Variants in CCDC169 observed in about 807,000 individuals in gnomAD.
CCDC169 encodes coiled-coil domain containing 169, also known as coiled-coil domain-containing protein 169.
In CCDC169, 30 loss-of-function variants were observed where a neutral mutation model predicts 36.0. That is an observed-to-expected ratio of 0.83 (90% confidence interval 0.62 to 1.13). The LOEUF (loss-of-function observed/expected upper bound fraction) is 1.13, where lower values mean the gene tolerates loss of function less well. CCDC169 is among the 50% of genes most tolerant of loss of function. The pLI is 0.00. For synonymous variants in CCDC169, 85 were observed against 81.5 expected (o/e 1.04, Z -0.23); for missense variants, 245 against 245.9 (o/e 1.00, Z 0.03).
intron 2 of CCDC169, among the ~76,000 whole-genome samples, chr13:36,284,075 TATATTTCATATATG>T (rs950309583): frequency 3.9e-5 from 6 of 151,974 alleles, no homozygotes; most frequent in Non-Finnish European, 7.4e-5. Context: ...ATAATATCCA[TATATTTCATATATG>T]ATATTTCATA....
At chr13:36,289,021 C>A (rs1038673316) in intron 2 of CCDC169, among the ~76,000 whole-genome samples, 1 of 151,974 alleles carries the variant, frequency 6.6e-6, no homozygotes, top group African/African-American at 2.4e-5. Context: ...ATTACAAAAG[C>A]TATTTTATAT....
intron 2 of CCDC169, among the ~76,000 whole-genome samples, chr13:36,285,618 G>GATAGATAGATAGATAGATACATAC (rs751327575): frequency 6.3e-4 from 84 of 133,596 alleles, no homozygotes; most frequent in African/African-American, 8.7e-4. Flanking sequence ...TAGATAGATA[G>GATAGATAGATAGATAGATACATAC]ATACATAGAT....
chr13:36,259,810 GC>G (rs1410531368), intron 4 of CCDC169, among the ~76,000 whole-genome samples: 1 of 152,228 alleles, frequency 6.6e-6, no homozygotes, highest in Non-Finnish European at 1.5e-5. Flanking sequence ...AGGCAGGTTG[GC>G]CTTAGGCTCC....
intron 7 of CCDC169, among the ~76,000 whole-genome samples, chr13:36,233,617 A>G (rs1023484473): frequency 1.3e-5 from 2 of 152,178 alleles, no homozygotes; most frequent in African/African-American, 4.8e-5. Flanking sequence ...GAAATTATTT[A>G]AAAAGAACCA....
intron 4 of CCDC169, among the ~76,000 whole-genome samples, chr13:36,254,502 C>A (rs535316942): frequency 1.3e-5 from 2 of 151,942 alleles, no homozygotes; most frequent in Non-Finnish European, 2.9e-5. Context: ...GTCTCAAACT[C>A]CTGACCTCAG....
At chr13:36,273,465 C>G (rs761984460) in intron 4 of CCDC169, among the ~76,000 whole-genome samples, 1 of 152,022 alleles carries the variant, frequency 6.6e-6, no homozygotes, top group Non-Finnish European at 1.5e-5. Context: ...AAAAAATATC[C>G]TGAGGCCCCA....
chr13:36,245,795 T>G (rs1265233004), intron 7 of CCDC169, among the ~76,000 whole-genome samples: 2 of 152,226 alleles, frequency 1.3e-5, no homozygotes, highest in African/African-American at 4.8e-5. Flanking sequence ...GATACTGCAT[T>G]TTTTACAAAT....
At chr13:36,227,501 A>T (rs1869972449), downstream of CCDC169, 17 of 1,065,954 alleles carry the variant, frequency 1.6e-5, no homozygotes, top group Admixed American at 4.3e-5. Flanking sequence ...TATACACAAA[A>T]ATAAATAAAT....
Position 36,283,469 on chromosome 13 carries a change from C to A in CCDC169, c.315G>T (p.Val105=). 6.5e-7 allele frequency: 1 copy of A among 1,548,436 alleles called. No individual in the cohort carries two copies. Among genetic ancestry groups the A allele is most frequent in the South Asian group, 1.2e-5 (1 of 83,904 alleles). The part of the protein sequence containing the change: ...SSIRVYERMP[V]ESLNTLLKQL... ...TGTGTTTAATCACATTTCTACTCAC[C>A]ACTGGCATTCGTTCATAGACACGAA... Residue 105 remains valine, a splice_region_variant and synonymous_variant, in exon 4 of 8, where the codon GTG becomes GTT. Transcript: ENST00000239859.
chr13:36,259,638 A>G (rs1874362594), intron 4 of CCDC169, among the ~76,000 whole-genome samples: 1 of 152,212 alleles, frequency 6.6e-6, no homozygotes, highest in Non-Finnish European at 1.5e-5. Context: ...AATCAATCAG[A>G]GGCTGAAGTG....
At chr13:36,283,992 T>C (rs1375603994) in intron 2 of CCDC169, among the ~76,000 whole-genome samples, 1 of 152,116 alleles carries the variant, frequency 6.6e-6, no homozygotes. Context: ...TTCTTGTGCA[T>C]CCTTACAATG....
chr13:36,225,086 A>G (rs1869792281), downstream of CCDC169: 1 of 152,246 alleles, frequency 6.6e-6, no homozygotes, highest in South Asian at 2.1e-4. Flanking sequence ...CTGGCTAGCC[A>G]TATACAGAAG....
At chr13:36,250,224 G>A (rs537856999) in intron 6 of CCDC169, among the ~76,000 whole-genome samples, 2 of 152,138 alleles carry the variant, frequency 1.3e-5, no homozygotes, top group South Asian at 4.1e-4. Flanking sequence ...TAACAGTAAG[G>A]ACCTTAGGTA....
chr13:36,239,677 C>T (rs938932748), intron 7 of CCDC169, among the ~76,000 whole-genome samples: 3 of 152,142 alleles, frequency 2.0e-5, no homozygotes, highest in African/African-American at 7.2e-5. Context: ...ATCTCTTCAT[C>T]TTATGGGGGA....
chr13:36,295,053 A>G (rs537298486), intron 2 of CCDC169, among the ~76,000 whole-genome samples: 1 of 152,260 alleles, frequency 6.6e-6, no homozygotes, highest in East Asian at 1.9e-4. Flanking sequence ...GCCCACCCTG[A>G]TAATCCTAAT....
At chr13:36,250,320 C>G (rs7139624) in intron 6 of CCDC169, among the ~76,000 whole-genome samples, 50 of 152,254 alleles carry the variant, frequency 3.3e-4, no homozygotes, top group African/African-American at 1.1e-3. Context: ...GCTGCAGAGA[C>G]AGGAACAGCC....
Position 36,254,468 on chromosome 13 carries a change from G to A in CCDC169, c.316-325C>T, listed in dbSNP as rs1873588358. 3.3e-5 allele frequency among the ~76,000 whole-genome samples: 5 copies of A among 151,740 alleles called. No individual in the cohort carries two copies. In the South Asian group the frequency reaches 1.0e-3, roughly 32 times the overall value. ...TTTTTTGTGTTTTTAGTAGAGACGTGGTTTCACTATGTTGGCCAGGCTGGT... is the reference window on the plus strand; with the variant it reads ...TTTTTTGTGTTTTTAGTAGAGACGTAGTTTCACTATGTTGGCCAGGCTGGT... On this transcript the variant is annotated intron_variant, in intron 4 of 7. Coordinates refer to ENST00000239859, the MANE Select transcript of CCDC169 (RefSeq NM_001144981.3).
At chr13:36,250,623 T>C (rs1486094190) in intron 6 of CCDC169, among the ~76,000 whole-genome samples, 1 of 152,210 alleles carries the variant, frequency 6.6e-6, no homozygotes, top group Admixed American at 6.5e-5. Flanking sequence ...CTGAAATACC[T>C]GGGCAGTCTG....
At chr13:36,283,431 T>A in intron 4 of CCDC169, 38 bp downstream of exon 4, 1 of 1,515,302 alleles carries the variant, frequency 6.6e-7, no homozygotes, top group Non-Finnish European at 8.9e-7. Context: ...CATAATTTCC[T>A]TCAATTATTC....
Sources: gnomAD v4.1 joint callset for allele counts (sites outside exome capture counted in the v4.1 genomes callset) on GRCh38, gnomAD v4.1.1 for gene constraint, MANE v1.5 for transcripts, NCBI Gene and HGNC (gene_info 2026-07-23, HGNC 2026-07-21) for gene names.